ARHGAP22: variants seen among roughly 807,000 people sequenced by gnomAD.
The protein encoded by ARHGAP22 is rho GTPase-activating protein 22.
In ARHGAP22, 48 loss-of-function variants were observed where a neutral mutation model predicts 59.1. The ratio of observed to expected loss-of-function variants is 0.81; its 90% CI spans 0.64 to 1.03. The LOEUF is 1.03. Among genes scored for constraint, ARHGAP22 ranks in the 50% least tolerant of loss-of-function variants. ARHGAP22 has a pLI of 0.00. For missense variants in ARHGAP22, 1,015 were observed against 958.7 expected (o/e 1.06, Z -0.78); for synonymous variants, 445 against 416.4 (o/e 1.07, Z -0.84).
chr10:48,598,223 G>C (rs7894023), intron 1 of ARHGAP22, among the ~76,000 whole-genome samples: 2 of 152,108 alleles, frequency 1.3e-5, no homozygotes, highest in Admixed American at 1.3e-4. Context: ...TGGGAAGAAG[G>C]AGAACATGAG....
intron 9 of ARHGAP22, 128 bp from the exon 10 acceptor site, chr10:48,446,747 T>A: frequency 1.1e-6 from 1 of 876,556 alleles, no homozygotes; most frequent in Non-Finnish European, 1.7e-6. Context: ...GAGGAAACCC[T>A]GGCTCATCTG....
At chr10:48,487,288 C>T (rs1273041617) in intron 3 of ARHGAP22, among the ~76,000 whole-genome samples, 1 of 152,042 alleles carries the variant, frequency 6.6e-6, no homozygotes, top group African/African-American at 2.4e-5. Context: ...AATAACAGCC[C>T]CCCAAAGACA....
chr10:48,643,936 TG>T (rs1391413266), intron 1 of ARHGAP22, among the ~76,000 whole-genome samples: 1 of 151,626 alleles, frequency 6.6e-6, no homozygotes, highest in Non-Finnish European at 1.5e-5. Flanking sequence ...TCACCTGAGG[TG>T]GGGAGTTTGA....
chr10:48,641,230 G>A (rs925843524), intron 1 of ARHGAP22, among the ~76,000 whole-genome samples: 2 of 152,032 alleles, frequency 1.3e-5, no homozygotes, highest in Admixed American at 1.3e-4. Flanking sequence ...AATGGCAAAT[G>A]TAAATTCAAA....
intron 1 of ARHGAP22, among the ~76,000 whole-genome samples, chr10:48,590,361 T>C (rs2059677551): frequency 6.6e-6 from 1 of 151,892 alleles, no homozygotes; most frequent in Non-Finnish European, 1.5e-5. Flanking sequence ...GGTGACAGGA[T>C]GTGGAGCCTG....
chr10:48,461,642 G>A (rs1375046459), intron 4 of ARHGAP22, among the ~76,000 whole-genome samples: 2 of 152,200 alleles, frequency 1.3e-5, no homozygotes, highest in African/African-American at 4.8e-5. Flanking sequence ...AAGGGAAGGA[G>A]TTGAGATCCA....
chr10:48,621,250 T>A (rs560492110), intron 1 of ARHGAP22, among the ~76,000 whole-genome samples: 1 of 152,228 alleles, frequency 6.6e-6, no homozygotes. Context: ...TTGCAAGAAG[T>A]TGTCCTTATT....
intron 4 of ARHGAP22, among the ~76,000 whole-genome samples, chr10:48,466,276 C>G (rs908448485): frequency 2.6e-4 from 40 of 152,178 alleles, no homozygotes; most frequent in East Asian, 7.8e-4. Context: ...TGCGCCCCCC[C>G]CCAGACTCTA....
chr10:48,476,575 ATC>A (rs2048766646), intron 4 of ARHGAP22, among the ~76,000 whole-genome samples: 2 of 152,236 alleles, frequency 1.3e-5, no homozygotes, highest in Admixed American at 6.5e-5. Flanking sequence ...CACGTCTGGC[ATC>A]GCTAACTCCT....
downstream of ARHGAP22, among the ~76,000 whole-genome samples, chr10:48,443,586 C>T (rs73293556): frequency 3.5e-3 from 529 of 152,062 alleles, 5 homozygotes; most frequent in African/African-American, 0.012. Flanking sequence ...CAGTGTGTGG[C>T]AATGTCACAG....
At chr10:48,608,910 T>G (rs1048228793), upstream of ARHGAP22, among the ~76,000 whole-genome samples, 3 of 152,216 alleles carry the variant, frequency 2.0e-5, no homozygotes, top group African/African-American at 7.2e-5. Flanking sequence ...TTTTACTACA[T>G]TTTATTATTC....
the ARHGAP22 span, chr10:48,437,379 ATAACATT>A: frequency 6.6e-6 from 1 of 152,328 alleles, no homozygotes; most frequent in Middle Eastern, 3.4e-3. Context: ...GAAGTTACAA[ATAACATT>A]TCTATCAGGT....
intron 1 of ARHGAP22, among the ~76,000 whole-genome samples, chr10:48,618,731 C>T (rs571322814): frequency 2.6e-5 from 4 of 151,986 alleles, no homozygotes; most frequent in African/African-American, 9.7e-5. Flanking sequence ...CAAACCACAG[C>T]CTACATCATA....
intron 4 of ARHGAP22, among the ~76,000 whole-genome samples, chr10:48,463,163 T>C (rs555774989): frequency 1.8e-4 from 27 of 152,338 alleles, no homozygotes; most frequent in Admixed American, 1.7e-3. Flanking sequence ...CAGAGCTCAG[T>C]AGCATCTGTG....
At chr10:48,473,354 C>T (rs2048399018) in intron 4 of ARHGAP22, among the ~76,000 whole-genome samples, 1 of 152,152 alleles carries the variant, frequency 6.6e-6, no homozygotes, top group South Asian at 2.1e-4. Flanking sequence ...GCCAGAGTTT[C>T]AGTTTGGGAA....
At chr10:48,536,766 T>C (rs2055397030) in intron 3 of ARHGAP22, among the ~76,000 whole-genome samples, 1 of 152,222 alleles carries the variant, frequency 6.6e-6, no homozygotes, top group Non-Finnish European at 1.5e-5. Flanking sequence ...TCCTGAAGCC[T>C]CAGCTTCTGT....
chr10:48,473,975 C>T lies in ARHGAP22; in HGVS notation c.451+5661G>A, dbSNP rs542804726. Among the ~76,000 whole-genome samples the T allele has an allele frequency of 2.1e-4, 32 of 152,334 alleles. No homozygotes were observed. In the South Asian group the frequency reaches 6.4e-3, roughly 31 times the overall value. ...AGAGAGAGCTGGCAAGGAGGTACTG[C>T]GCCATGCATCCTTCTGGGGCTGCGT... On this transcript the variant is annotated intron_variant, in intron 4 of 9. Coordinates refer to ENST00000249601, the MANE Select transcript of ARHGAP22 (RefSeq NM_021226.4).
chr10:48,581,980 G>C (rs558466988), intron 2 of ARHGAP22, among the ~76,000 whole-genome samples: 1 of 152,344 alleles, frequency 6.6e-6, no homozygotes, highest in Non-Finnish European at 1.5e-5. Flanking sequence ...TGTTTGAGAA[G>C]TGTCAAAGGT....
chr10:48,470,298 C>A (rs2048112164), intron 4 of ARHGAP22, among the ~76,000 whole-genome samples: 1 of 152,206 alleles, frequency 6.6e-6, no homozygotes, highest in African/African-American at 2.4e-5. Flanking sequence ...GTAGTGACAG[C>A]CCCCTGTAAA....
Sources: gnomAD v4.1 joint callset for allele counts (sites outside exome capture counted in the v4.1 genomes callset) on GRCh38, gnomAD v4.1.1 for gene constraint, MANE v1.5 for transcripts, NCBI Gene and HGNC (gene_info 2026-07-23, HGNC 2026-07-21) for gene names.